The following PIK3R5 variants were observed in gnomAD, a reference collection of about 807,000 sequenced individuals.
The protein encoded by PIK3R5 is phosphoinositide 3-kinase regulatory subunit 5.
A neutral mutation model predicts 94.9 loss-of-function variants in PIK3R5; 32 were observed. The observed-to-expected ratio is 0.34, with a 90% CI of 0.25 to 0.45. PIK3R5 has a LOEUF of 0.45. PIK3R5 is among the 20% of genes least tolerant of loss of function. The probability of loss-of-function intolerance (pLI) is 1.00; values close to 1 mark genes in which losing one functional copy is unlikely to be tolerated. For synonymous variants in PIK3R5, 443 were observed against 479.4 expected (o/e 0.92, Z 0.99); for missense variants, 853 against 1,144.6 (o/e 0.75, Z 3.68).
intron 1 of PIK3R5, among the ~76,000 whole-genome samples, chr17:8,954,382 C>G (rs2151476777): frequency 6.6e-6 from 1 of 152,332 alleles, no homozygotes; most frequent in South Asian, 2.1e-4. Flanking sequence ...CTCCAGAAAT[C>G]CCTCAACAGT....
rs2090486240 is a variant in PIK3R5 at position 8,909,899 on chromosome 17, G to A, written c.104-725C>T. 6.6e-6 allele frequency among the ~76,000 whole-genome samples: 1 copy of A among 152,198 alleles called. No individual in the cohort carries two copies. The highest frequency in any genetic ancestry group is 2.4e-5 in the African/African-American group (1 of 41,432). On this transcript the variant is annotated intron_variant, in intron 2 of 18. Transcript: ENST00000447110. The surrounding 1 kb of genome is among the most constrained non-coding windows in gnomAD (Gnocchi z 4.3). ...CTGGAAGAATACAGAGAGGAGCCACGGTGAGTTCCATCCCAAGACGCAAGA... is the reference window on the plus strand; with the variant it reads ...CTGGAAGAATACAGAGAGGAGCCACAGTGAGTTCCATCCCAAGACGCAAGA...
chr17:8,947,443 G>T lies in PIK3R5; in HGVS notation c.-14+18153C>A, dbSNP rs74724555. The stretch of plus-strand genomic sequence containing the variant: ...CGGAAGAAAATGCTAGACATAGTCA[G>T]ACGCGAGTCATAGACTTTATGAAAG... On this transcript the variant is annotated intron_variant, in intron 1 of 18. Transcript: ENST00000447110. Among the ~76,000 whole-genome samples, 49 of 152,340 alleles carry T rather than the reference G, an allele frequency of 3.2e-4. No homozygotes were observed. The East Asian group carries it at 7.5e-3, about 23-fold the overall frequency.
Position 8,893,510 on chromosome 17 carries a change from A to G in PIK3R5, c.482+76T>C, listed in dbSNP as rs1597381406. ...GGGGCACTGGATGTTTGAGTGGGGG[A>G]GGAGGGTGAAGGTGGAACAGTGCAG... On this transcript the variant is annotated intron_variant, in intron 6 of 18. Coordinates refer to ENST00000447110, the MANE Select transcript of PIK3R5 (RefSeq NM_001142633.3). This position sits in a 1 kb window ranked among gnomAD's most constrained non-coding sequence, Gnocchi z 5.1. The G allele has an allele frequency of 8.8e-7, 1 of 1,137,764 alleles. No individual in the cohort carries two copies. The highest frequency in any genetic ancestry group is 1.3e-6 in the Non-Finnish European group (1 of 753,592). 70.5% of individuals were successfully genotyped at this position (1,137,764 alleles called of 1,614,324 possible).
intron 3 of PIK3R5, among the ~76,000 whole-genome samples, chr17:8,906,170 G>A (rs1036743018): frequency 3.3e-5 from 5 of 151,326 alleles, no homozygotes; most frequent in Non-Finnish European, 7.4e-5. Flanking sequence ...CCCCATCCCC[G>A]ACAGGCCCCG....
rs962068521 is a variant in PIK3R5 at position 8,925,795 on chromosome 17, G to T, written c.-13-14288C>A. Among the ~76,000 whole-genome samples the T allele has an allele frequency of 6.6e-6, 1 of 152,182 alleles. No homozygotes were observed. Among genetic ancestry groups the T allele is most frequent in the Non-Finnish European group, 1.5e-5 (1 of 68,020 alleles). On this transcript the variant is annotated intron_variant, in intron 1 of 18. Coordinates refer to ENST00000447110, the MANE Select transcript of PIK3R5 (RefSeq NM_001142633.3). The surrounding 1 kb of genome is among the most constrained non-coding windows in gnomAD (Gnocchi z 5.1). ...TTCCTTGGATGCTTCATCCCCTTTT[G>T]TCTTTTCCTTTAATGCAGATAGATG...
intron 3 of PIK3R5, 60 bp from the exon 4 acceptor site, chr17:8,905,797 C>T: frequency 1.8e-6 from 2 of 1,102,930 alleles, no homozygotes; most frequent in South Asian, 2.9e-5. Flanking sequence ...CTCCCTGAGG[C>T]AGAATACAGT....
chr17:8,905,552 G>A lies in PIK3R5; in HGVS notation c.273+117C>T, dbSNP rs181032897. ...AGGGTTGAAACCCATTTCACATGCC[G>A]CTGCTTGACAGTTTCTCTCTCTGCT... On this transcript the variant is annotated intron_variant, in intron 4 of 18. Coordinates refer to ENST00000447110, the MANE Select transcript of PIK3R5 (RefSeq NM_001142633.3). The A allele has an allele frequency of 2.3e-5, 15 of 652,226 alleles. No homozygotes were observed. In the Admixed American group the frequency reaches 4.0e-4, roughly 17 times the overall value. 40.4% of individuals were successfully genotyped at this position (652,226 alleles called of 1,614,324 possible). A position where few individuals can be genotyped will look rare whatever the true frequency, so the allele number is the denominator to read the frequency against.
Position 8,881,955 on chromosome 17 carries a change from T to G in PIK3R5, c.2206-74A>C. The G allele has an allele frequency of 1.7e-6, 2 of 1,156,230 alleles. No homozygotes were observed. The highest frequency in any genetic ancestry group is 2.6e-6 in the Non-Finnish European group (2 of 781,984). 71.6% of individuals were successfully genotyped at this position (1,156,230 alleles called of 1,614,324 possible). A position where few individuals can be genotyped will look rare whatever the true frequency, so the allele number is the denominator to read the frequency against. On this transcript the variant is annotated intron_variant, in intron 15 of 18. Transcript: ENST00000447110. This position sits in a 1 kb window ranked among gnomAD's most constrained non-coding sequence, Gnocchi z 4.8. The stretch of plus-strand genomic sequence containing the variant: ...CTGCTGCCTTCTCTTTGAAGGCCCA[T>G]CAGTGACAGGGGGTTGCCTCTAGTT...
chr17:8,888,866 C>T lies in PIK3R5; in HGVS notation c.921G>A (p.Lys307=). 1 of 1,602,072 alleles carries T rather than the reference C, an allele frequency of 6.2e-7. No individual in the cohort carries two copies. Among genetic ancestry groups the T allele is most frequent in the African/African-American group, 1.3e-5 (1 of 75,034 alleles). Residue 307 remains lysine, a synonymous_variant, in exon 10 of 19, where the codon AAG becomes AAA. Coordinates refer to ENST00000447110, the MANE Select transcript of PIK3R5 (RefSeq NM_001142633.3). The surrounding 1 kb of genome is among the most constrained non-coding windows in gnomAD (Gnocchi z 7.8). ...TCCCTGGCTGGAGTAGCTCCTGTTCCTTGAGCAGGATTTCCTGCAGGATGT... is the reference window on the plus strand; with the variant it reads ...TCCCTGGCTGGAGTAGCTCCTGTTCTTTGAGCAGGATTTCCTGCAGGATGT... The part of the protein sequence containing the change: ...SFDILQEILL[K]EQELLQPGIL...
At chr17:8,921,400 TATGTC>T (rs1343605447) in intron 1 of PIK3R5, among the ~76,000 whole-genome samples, 2 of 152,226 alleles carry the variant, frequency 1.3e-5, no homozygotes, top group Non-Finnish European at 2.9e-5. Context: ...TTACATGTCA[TATGTC>T]ATTCATTCTG....
chr17:8,905,898 C>T (rs1013683746), intron 3 of PIK3R5, among the ~76,000 whole-genome samples, 161 bp from the exon 4 acceptor site: 11 of 149,414 alleles, frequency 7.4e-5, no homozygotes, highest in African/African-American at 2.2e-4. Context: ...TGGATGTAAA[C>T]GAAAACACTT....
chr17:8,917,136 A>G (rs2090646311), intron 1 of PIK3R5, among the ~76,000 whole-genome samples: 1 of 152,198 alleles, frequency 6.6e-6, no homozygotes, highest in African/African-American at 2.4e-5. Flanking sequence ...CACAGGAAGG[A>G]TACACCAGAA....
rs118057927 is a variant in PIK3R5, at chr17:8,955,850, G to T, written c.-14+9746C>A. Reference sequence around the variant, plus strand: ...AGGAAGCCTGCTTTGTGGATGCAGAGTTGGGCTCTGGATATTGCTCAAGTT... The same window carrying T: ...AGGAAGCCTGCTTTGTGGATGCAGATTTGGGCTCTGGATATTGCTCAAGTT... On this transcript the variant is annotated intron_variant, in intron 1 of 18. Coordinates refer to ENST00000447110, the MANE Select transcript of PIK3R5 (RefSeq NM_001142633.3). The surrounding 1 kb of genome is among the most constrained non-coding windows in gnomAD (Gnocchi z 4.4). 9.2e-5 allele frequency among the ~76,000 whole-genome samples: 14 copies of T among 152,310 alleles called. No homozygotes were observed. The highest frequency in any genetic ancestry group is 2.1e-4 in the Non-Finnish European group (14 of 68,030).
Position 8,893,537 on chromosome 17 carries a change from G to A in PIK3R5, c.482+49C>T. ...GAGGGTGAAGGTGGAACAGTGCAGG[G>A]GTCCCAAACTCCCTCCCCACTGTTT... On this transcript the variant is annotated intron_variant, in intron 6 of 18. Transcript: ENST00000447110. The surrounding 1 kb of genome is among the most constrained non-coding windows in gnomAD (Gnocchi z 5.1). The A allele has an allele frequency of 7.0e-7, 1 of 1,436,278 alleles. No individual in the cohort carries two copies. The highest frequency in any genetic ancestry group is 2.0e-4 in the Middle Eastern group (1 of 4,950). 89.0% of individuals were successfully genotyped at this position (1,436,278 alleles called of 1,614,324 possible).
intron 12 of PIK3R5, 101 bp downstream of exon 12, chr17:8,886,995 C>T: frequency 2.9e-6 from 4 of 1,388,494 alleles, no homozygotes; most frequent in Non-Finnish European, 3.9e-6. Context: ...CCAGGTCCTC[C>T]ATGGGGGCCT....
chr17:8,924,940 A>G (rs1369962818), intron 1 of PIK3R5, among the ~76,000 whole-genome samples: 16 of 152,232 alleles, frequency 1.1e-4, no homozygotes, highest in Non-Finnish European at 2.9e-5. Context: ...ACTTACTATG[A>G]CATTAGGGCA....
chr17:8,939,212 C>T (rs2091130759), intron 1 of PIK3R5, among the ~76,000 whole-genome samples: 1 of 152,204 alleles, frequency 6.6e-6, no homozygotes, highest in South Asian at 2.1e-4. Flanking sequence ...ATGATGCTAA[C>T]TCAGGCCTGC....
In PIK3R5 at chr17:8,888,183, T is replaced by C; in HGVS notation, c.1604A>G (p.Tyr535Cys). The change falls in exon 10 of 19, where the codon TAC (tyrosine) becomes TGC (cysteine). Residue 535 changes from tyrosine (Y) to cysteine (C), a missense_variant. Tyr to Cys is a radical substitution (Grantham distance 194, BLOSUM62 -2). This residue lies in a region of PIK3R5 where 319 missense variants were observed against 339.8 expected (regional missense o/e 0.94). Transcript: ENST00000447110. This position sits in a 1 kb window ranked among gnomAD's most constrained non-coding sequence, Gnocchi z 7.8. ...TTACGGCTCTTACCGAAGGTTGCTGTACGCCCGAGCCACCTTCCCTGAAAT... is the reference window on the plus strand; with the variant it reads ...TTACGGCTCTTACCGAAGGTTGCTGCACGCCCGAGCCACCTTCCCTGAAAT... ...DRISGKVARA[Y>C]SNLRRLENNR... 2 of 1,613,342 alleles carry C rather than the reference T, an allele frequency of 1.2e-6. No homozygotes were observed. The highest frequency in any genetic ancestry group is 1.7e-6 in the Non-Finnish European group (2 of 1,179,942).
chr17:8,920,768 C>A (rs1447448468), intron 1 of PIK3R5, among the ~76,000 whole-genome samples: 1 of 151,478 alleles, frequency 6.6e-6, no homozygotes, highest in African/African-American at 2.4e-5. Context: ...TTTAGCCCTT[C>A]TTTTAACGTA....
Sources: allele counts gnomAD v4.1 joint callset (sites outside exome capture counted in the v4.1 genomes callset), GRCh38; gene constraint gnomAD v4.1.1; regional missense constraint gnomAD v4.1.1; non-coding constraint Gnocchi (gnomAD v3.1); transcripts MANE v1.5; gene names NCBI Gene and HGNC (gene_info 2026-07-23, HGNC 2026-07-21).